Variants in GFAP observed in about 807,000 individuals in gnomAD.
The protein encoded by GFAP is glial fibrillary acidic protein.
GFAP carries 38 observed loss-of-function variants against 49.3 expected under a neutral mutation model. The ratio of observed to expected loss-of-function variants is 0.77; its 90% confidence interval spans 0.60 to 1.01. The LOEUF is 1.01. Among genes scored for constraint, GFAP ranks in the 50% least tolerant of loss-of-function variants. GFAP has a pLI of 0.00. For missense variants in GFAP, 463 were observed against 579.1 expected, an observed-to-expected ratio of 0.80 and a Z score of 2.06; for synonymous variants, 222 against 236.4, an observed-to-expected ratio of 0.94 and a Z score of 0.56.
chr17:44,912,550 T>C (rs2051799051), intron 4 of GFAP: 1 of 154,658 alleles, frequency 6.5e-6, no homozygotes, highest in African/African-American at 2.4e-5. Flanking sequence ...GTGCCCTGGC[T>C]AGGCTAGCAT....
chr17:44,913,009 A>T, intron 4 of GFAP: 3 of 514,036 alleles, frequency 5.8e-6, no homozygotes, highest in Non-Finnish European at 7.1e-6. Flanking sequence ...ATAGTAAGGT[A>T]ATCCATGAAA....
At chr17:44,909,209 A>G in intron 7 of GFAP, 1 of 152,284 alleles carries the variant, frequency 6.6e-6, no homozygotes, top group East Asian at 1.9e-4. Flanking sequence ...CAGCCACATG[A>G]CTCTGGGCAA....
intron 4 of GFAP, 120 bp downstream of exon 4, chr17:44,913,149 G>A: frequency 1.0e-6 from 1 of 1,004,188 alleles, no homozygotes. Context: ...CTTCTCTGGT[G>A]AAAGTCAGTC....
chr17:44,912,116 T>TTG (rs1555574328), intron 4 of GFAP, among the ~76,000 whole-genome samples: 5 of 151,376 alleles, frequency 3.3e-5, no homozygotes, highest in African/African-American at 1.2e-4. Flanking sequence ...GTGTTTTTGT[T>TTG]TTTTTGTTTT....
At chr17:44,910,688 C>A (rs200064084) in intron 6 of GFAP, 30 bp from the exon 7 acceptor site, 2 of 1,577,102 alleles carry the variant, frequency 1.3e-6, no homozygotes, top group South Asian at 2.3e-5. Context: ...GAGGGCTGCC[C>A]GGGCTGCCTG....
At chr17:44,911,171 G>C (rs2051752284) in intron 6 of GFAP, 65 bp downstream of exon 6, 1 of 1,417,100 alleles carries the variant, frequency 7.1e-7, no homozygotes, top group Non-Finnish European at 1.0e-6. Flanking sequence ...TCCCTGAAGG[G>C]AGCAAGATGA....
intron 7 of GFAP, chr17:44,909,656 G>T: frequency 3.4e-6 from 1 of 295,234 alleles, no homozygotes; most frequent in Non-Finnish European, 4.5e-6. Context: ...AATATAACAC[G>T]TCACATTCAC....
intron 7 of GFAP, chr17:44,908,370 C>T: frequency 2.8e-6 from 1 of 353,220 alleles, no homozygotes. Context: ...GGCCTGGCTT[C>T]ATTTCAGCCC....
rs1304537019 is a variant in GFAP, at chr17:44,903,694, G to A, written c.*3653C>T. On this transcript the variant is annotated 3_prime_UTR_variant, in exon 9 of 9. Coordinates refer to ENST00000588735, the MANE Select transcript of GFAP (RefSeq NM_002055.5). ...CTTGCACTTGGCGGCTTCCTCTGCAGATTGTTGCTGCTTTTCCTGGCTGCA... is the reference window on the plus strand; with the variant it reads ...CTTGCACTTGGCGGCTTCCTCTGCAAATTGTTGCTGCTTTTCCTGGCTGCA... 2 of 1,438,536 alleles carry A rather than the reference G, an allele frequency of 1.4e-6. No individual in the cohort carries two copies. Among genetic ancestry groups the A allele is most frequent in the African/African-American group, 2.9e-5 (2 of 69,710 alleles). The allele number at this position is 1,438,536 out of a possible 1,614,324, so 89.1% of individuals were successfully genotyped here.
At position 44,910,119 on chromosome 17, in the gene GFAP, G is replaced by A. The variant is rs1350709733; in HGVS notation, c.1171+496C>T. The A allele has an allele frequency of 3.1e-6, 5 of 1,613,832 alleles. No individual in the cohort carries two copies. In the African/African-American group the frequency reaches 6.7e-5, roughly 22 times the overall value. ...CCTGTCAAGCTGGGCAAAGCGCCGT[G>A]TCTGAGAGGCAGGCAGCTAACCGCG... On this transcript the variant is annotated intron_variant, in intron 7 of 8. Transcript: ENST00000588735.
chr17:44,908,334 C>CCCAAGTCCTGGCTGCTCTGTCCAAT, intron 7 of GFAP, 185 bp from the exon 8 acceptor site: 4 of 565,490 alleles, frequency 7.1e-6, no homozygotes, highest in Admixed American at 6.4e-5. Flanking sequence ...AGTGCTGCTG[C>CCCAAGTCCTGGCTGCTCTGTCCAAT]CAGAGTCCTG....
chr17:44,911,585 T>A, intron 5 of GFAP, 87 bp downstream of exon 5: 1 of 1,581,554 alleles, frequency 6.3e-7, no homozygotes, highest in Non-Finnish European at 8.6e-7. Flanking sequence ...TCGACCCAGG[T>A]CCTCGTCCCT....
intron 6 of GFAP, 61 bp downstream of exon 6, chr17:44,911,175 A>C: frequency 6.9e-7 from 1 of 1,448,308 alleles, no homozygotes; most frequent in South Asian, 1.1e-5. Context: ...TGAAGGGAGC[A>C]AGATGAGCTC....
Position 44,912,151 on chromosome 17 carries a change from C to T in GFAP, c.781-354G>A, listed in dbSNP as rs1314175786. On this transcript the variant is annotated intron_variant, in intron 4 of 8. Transcript: ENST00000588735. ...TTTTTGTTTTATTTTGAGACAGAGT[C>T]TTGCTCTTGTCGCCCAGGTTGGAAG... Among the ~76,000 whole-genome samples the T allele has an allele frequency of 6.6e-5, 10 of 151,794 alleles. No individual in the cohort carries two copies. In the East Asian group the frequency reaches 1.9e-3, roughly 29 times the overall value.
chr17:44,909,829 C>T, intron 7 of GFAP: 2 of 1,220,662 alleles, frequency 1.6e-6, no homozygotes, highest in Non-Finnish European at 2.1e-6. Flanking sequence ...ACAGCGAGAC[C>T]CAAGGGGCCC....
chr17:44,904,688 A>G lies in GFAP; in HGVS notation c.*2659T>C. On this transcript the variant is annotated 3_prime_UTR_variant, in exon 9 of 9. Coordinates refer to ENST00000588735, the MANE Select transcript of GFAP (RefSeq NM_002055.5). ...GCAGAGACTGGGCCATGGACTCATC[A>G]TCTCCTGTCCTGGGGCCCGGCCAGA... 2 of 1,550,512 alleles carry G rather than the reference A, an allele frequency of 1.3e-6. No homozygotes were observed. The highest frequency in any genetic ancestry group is 1.2e-5 in the South Asian group (1 of 84,052).
Position 44,903,494 on chromosome 17 carries a change from G to A in GFAP, c.*3853C>T, listed in dbSNP as rs918587677. The A allele has an allele frequency of 1.0e-5, 13 of 1,272,560 alleles. No individual in the cohort carries two copies. Among genetic ancestry groups the A allele is most frequent in the East Asian group, 9.0e-5 (3 of 33,508 alleles). 78.8% of individuals were successfully genotyped at this position (1,272,560 alleles called of 1,614,324 possible). On this transcript the variant is annotated 3_prime_UTR_variant, in exon 9 of 9. Transcript: ENST00000588735. Reference sequence around the variant, plus strand: ...CACTGAGGCAGAGATCTCCCTGCCCGAGCACCTCGGCCCGCCCTTCTCATT... The same window carrying A: ...CACTGAGGCAGAGATCTCCCTGCCCAAGCACCTCGGCCCGCCCTTCTCATT...
In GFAP at chr17:44,913,393, T is replaced by A. The variant is rs1168957361; in HGVS notation, c.656A>T (p.Gln219Leu). 3.7e-6 allele frequency: 6 copies of A among 1,614,192 alleles called. No individual in the cohort carries two copies. The highest frequency in any genetic ancestry group is 5.1e-6 in the Non-Finnish European group (6 of 1,180,018). ...RELQEQLARQQVHVELDVAKP... is the reference protein window; with the variant it reads ...RELQEQLARQLVHVELDVAKP... ...GGCCACGTCAAGCTCCACATGGACC[T>A]GCTGTCGGGCCAGCTGCTCCTGGAG... The change falls in exon 4 of 9, where the codon CAG (glutamine) becomes CTG (leucine). Residue 219 changes from glutamine (Q) to leucine (L), a missense_variant. By Grantham distance (113) the Gln-to-Leu change is moderately radical. Transcript: ENST00000588735.
At position 44,904,585 on chromosome 17, in the gene GFAP, C is replaced by T. The variant is rs751672347; in HGVS notation, c.*2762G>A. On this transcript the variant is annotated 3_prime_UTR_variant, in exon 9 of 9. Transcript: ENST00000588735. ...AGAAGACAAAGACCATCCGGGAGGG[C>T]GTGCTGGCCATCATTAACTATGTGT... The T allele has an allele frequency of 1.0e-5, 16 of 1,550,448 alleles. No homozygotes were observed. Among genetic ancestry groups the T allele is most frequent in the South Asian group, 2.4e-5 (2 of 84,058 alleles).
Sources: allele counts gnomAD v4.1 joint callset (sites outside exome capture counted in the v4.1 genomes callset), GRCh38; gene constraint gnomAD v4.1.1; transcripts MANE v1.5; gene names NCBI Gene and HGNC (gene_info 2026-07-23, HGNC 2026-07-21).